Variants in GRM7 observed in about 807,000 individuals in gnomAD.
GRM7 encodes the protein glutamate metabotropic receptor 7.
GRM7 carries 35 observed loss-of-function variants against 84.5 expected under a neutral mutation model. That is an observed-to-expected ratio of 0.41 (90% CI 0.32 to 0.55). The LOEUF (loss-of-function observed/expected upper bound fraction) is 0.55. Ranked by LOEUF, GRM7 falls within the 20% of genes least tolerant of loss-of-function variation. The pLI is 0.19. For missense variants in GRM7, 1,003 were observed against 1,194.6 expected (o/e 0.84, Z 2.36); for synonymous variants, 487 against 455.1 (o/e 1.07, Z -0.89).
At chr3:7,274,870 A>C (rs1698995234) in intron 2 of GRM7, among the ~76,000 whole-genome samples, 1 of 151,942 alleles carries the variant, frequency 6.6e-6, no homozygotes, top group Non-Finnish European at 1.5e-5. Context: ...ATATTGTTTC[A>C]AATATTTCTT....
intron 4 of GRM7, among the ~76,000 whole-genome samples, chr3:7,354,552 C>T (rs1310058799): frequency 3.9e-5 from 6 of 152,078 alleles, no homozygotes; most frequent in Non-Finnish European, 8.8e-5. Context: ...AAGACAGAAA[C>T]AATATTGCAT....
chr3:7,238,041 C>A (rs1697410625), intron 2 of GRM7, among the ~76,000 whole-genome samples: 1 of 152,162 alleles, frequency 6.6e-6, no homozygotes, highest in African/African-American at 2.4e-5. Context: ...GCCCAGCTGG[C>A]TTCACCTCTC....
intron 1 of GRM7, among the ~76,000 whole-genome samples, chr3:6,935,953 C>T (rs1000256096): frequency 1.6e-4 from 24 of 152,254 alleles, no homozygotes; most frequent in Non-Finnish European, 5.9e-5. Flanking sequence ...AGGTGATCTA[C>T]CCACCTCGGA....
chr3:7,661,852 T>C (rs1329689932), intron 8 of GRM7, among the ~76,000 whole-genome samples: 2 of 110,342 alleles, frequency 1.8e-5, no homozygotes, highest in Non-Finnish European at 4.4e-5. Context: ...TGGAAAATAC[T>C]TTGGCAATTT....
chr3:7,727,866 A>C (rs1702184433), intron 9 of GRM7, among the ~76,000 whole-genome samples: 1 of 152,180 alleles, frequency 6.6e-6, no homozygotes, highest in Non-Finnish European at 1.5e-5. Flanking sequence ...CAACATACAC[A>C]GTCCTTGGGA....
chr3:6,918,530 A>T (rs1697018748), intron 1 of GRM7, among the ~76,000 whole-genome samples: 1 of 152,138 alleles, frequency 6.6e-6, no homozygotes, highest in Non-Finnish European at 1.5e-5. Context: ...TAACCTCTTG[A>T]TGCCTGTTTC....
chr3:7,454,110 T>A (rs1253949163), intron 6 of GRM7, among the ~76,000 whole-genome samples: 3 of 135,942 alleles, frequency 2.2e-5, no homozygotes, highest in African/African-American at 5.1e-5. Flanking sequence ...TCTCTCTCTC[T>A]CTCTCTCTCT....
chr3:7,450,727 A>G (rs1051006216), intron 5 of GRM7, among the ~76,000 whole-genome samples: 1 of 151,894 alleles, frequency 6.6e-6, no homozygotes, highest in South Asian at 2.1e-4. Context: ...TTAAAAAAAA[A>G]TCCTATACTA....
intron 1 of GRM7, among the ~76,000 whole-genome samples, chr3:7,048,428 G>A (rs1270965623): frequency 6.6e-6 from 1 of 151,578 alleles, no homozygotes; most frequent in Non-Finnish European, 1.5e-5. Context: ...ATTAAAATGT[G>A]TGCTAAATTG....
At chr3:6,901,776 T>G (rs532696199) in intron 1 of GRM7, among the ~76,000 whole-genome samples, 20 of 151,984 alleles carry the variant, frequency 1.3e-4, no homozygotes, top group African/African-American at 4.6e-4. Flanking sequence ...TTGACTAGTA[T>G]TTTTGTTATT....
intron 2 of GRM7, among the ~76,000 whole-genome samples, chr3:7,258,860 G>C (rs1698304522): frequency 6.6e-6 from 1 of 152,212 alleles, no homozygotes; most frequent in African/African-American, 2.4e-5. Flanking sequence ...TGAGGACCTT[G>C]AGCAGGTACA....
chr3:7,157,172 G>A (rs1694479296), intron 2 of GRM7, among the ~76,000 whole-genome samples: 1 of 152,056 alleles, frequency 6.6e-6, no homozygotes, highest in Non-Finnish European at 1.5e-5. Context: ...TCCAAACTCA[G>A]CATCAAGTAA....
At chr3:7,604,388 T>C (rs976804723) in intron 8 of GRM7, among the ~76,000 whole-genome samples, 1 of 152,170 alleles carries the variant, frequency 6.6e-6, no homozygotes, top group Non-Finnish European at 1.5e-5. Flanking sequence ...AAGGGCTCTG[T>C]CATTTGCTAT....
intron 2 of GRM7, among the ~76,000 whole-genome samples, chr3:7,203,634 T>A (rs570243767): frequency 1.2e-3 from 188 of 152,302 alleles, no homozygotes; most frequent in African/African-American, 4.3e-3. Context: ...CTGGATCGTA[T>A]GTTAGTTCTA....
At chr3:7,022,931 C>T (rs1164802680) in intron 1 of GRM7, among the ~76,000 whole-genome samples, 1 of 152,046 alleles carries the variant, frequency 6.6e-6, no homozygotes, top group Non-Finnish European at 1.5e-5. Context: ...TCCAATAACC[C>T]AGTGTATTAT....
At chr3:7,103,802 CTT>C (rs1247126565) in intron 1 of GRM7, among the ~76,000 whole-genome samples, 61 of 109,576 alleles carry the variant, frequency 5.6e-4, no homozygotes, top group African/African-American at 2.3e-3. Context: ...TTCTTTCTTT[CTT>C]TCTTTCTTTC....
intron 2 of GRM7, among the ~76,000 whole-genome samples, chr3:7,218,925 C>T (rs575829714): frequency 1.3e-5 from 2 of 152,052 alleles, no homozygotes; most frequent in East Asian, 1.9e-4. Context: ...TTTAAATATG[C>T]ATTTTTCAAA....
At chr3:7,226,695 T>C (rs1212731758) in intron 2 of GRM7, among the ~76,000 whole-genome samples, 1 of 152,214 alleles carries the variant, frequency 6.6e-6, no homozygotes, top group Non-Finnish European at 1.5e-5. Context: ...CTGAATTTCC[T>C]TTTTGAAATT....
At chr3:7,007,566 G>A (rs998080426) in intron 1 of GRM7, among the ~76,000 whole-genome samples, 3 of 152,064 alleles carry the variant, frequency 2.0e-5, no homozygotes, top group East Asian at 1.9e-4. Flanking sequence ...CCCAGACACC[G>A]CACCAATGCC....
Sources: gnomAD v4.1 joint callset for allele counts (sites outside exome capture counted in the v4.1 genomes callset) on GRCh38, gnomAD v4.1.1 for gene constraint, MANE v1.5 for transcripts, NCBI Gene and HGNC (gene_info 2026-07-23, HGNC 2026-07-21) for gene names.